The following CAMSAP1 variants were observed in gnomAD, a reference collection of about 807,000 sequenced individuals.
CAMSAP1 encodes the protein calmodulin regulated spectrin associated protein 1, also known as calmodulin-regulated spectrin-associated protein 1.
Under a neutral mutation model 143.5 loss-of-function variants are expected in CAMSAP1, and 58 were observed. That is an observed-to-expected ratio of 0.40 (90% CI 0.33 to 0.50). The LOEUF (loss-of-function observed/expected upper bound fraction) is 0.50. Among genes scored for constraint, CAMSAP1 ranks in the 20% least tolerant of loss-of-function variants. The pLI is 0.45. For missense variants in CAMSAP1, 1,969 were observed against 2,115.7 expected, an observed-to-expected ratio of 0.93 and a Z score of 1.36; for synonymous variants, 945 against 859.3, an observed-to-expected ratio of 1.10 and a Z score of -1.74.
intron 5 of CAMSAP1, among the ~76,000 whole-genome samples, chr9:135,851,134 G>C (rs1025897588): frequency 3.9e-5 from 6 of 152,230 alleles, no homozygotes; most frequent in Non-Finnish European, 8.8e-5. Flanking sequence ...CCCTGGTGTG[G>C]AGTGGGGGGT....
At chr9:135,836,239 G>T in intron 7 of CAMSAP1, 3 of 985,138 alleles carry the variant, frequency 3.0e-6, no homozygotes, top group Non-Finnish European at 3.6e-6. Flanking sequence ...CTGTTCTACA[G>T]AAACACGTCA....
intron 3 of CAMSAP1, among the ~76,000 whole-genome samples, chr9:135,878,814 GAA>G (rs907250132): frequency 6.6e-6 from 1 of 152,166 alleles, no homozygotes; most frequent in Non-Finnish European, 1.5e-5. Context: ...GCACCCGGGA[GAA>G]AGTCACATAA....
intron 16 of CAMSAP1, 127 bp downstream of exon 16, chr9:135,814,970 G>A (rs1175218581): frequency 2.7e-6 from 2 of 728,868 alleles, no homozygotes; most frequent in Non-Finnish European, 4.5e-6. Flanking sequence ...CCTCTTCCTT[G>A]AAATCTGCAT....
At chr9:135,874,618 C>A (rs911518590) in intron 3 of CAMSAP1, among the ~76,000 whole-genome samples, 2 of 151,846 alleles carry the variant, frequency 1.3e-5, no homozygotes, top group African/African-American at 4.8e-5. Flanking sequence ...AAAATGTCTT[C>A]TTTCACCAAT....
intron 7 of CAMSAP1, among the ~76,000 whole-genome samples, chr9:135,842,891 T>C (rs1021618402): frequency 2.6e-5 from 4 of 152,118 alleles, no homozygotes; most frequent in Non-Finnish European, 5.9e-5. Flanking sequence ...AGATGCCAAA[T>C]TGTAAAGACC....
chr9:135,819,414 C>G (rs977882212), intron 11 of CAMSAP1, among the ~76,000 whole-genome samples: 1 of 152,094 alleles, frequency 6.6e-6, no homozygotes, highest in African/African-American at 2.4e-5. Flanking sequence ...AAAATAAGAG[C>G]GAGGCTGGGC....
intron 1 of CAMSAP1, among the ~76,000 whole-genome samples, chr9:135,893,690 T>C (rs770279404): frequency 4.6e-5 from 7 of 152,174 alleles, no homozygotes; most frequent in South Asian, 2.1e-4. Flanking sequence ...CATGAAACCA[T>C]AGTCTCAAGA....
chr9:135,822,789 C>T lies in CAMSAP1; in HGVS notation c.1872G>A (p.Val624=). 1 of 1,613,954 alleles carries T rather than the reference C, an allele frequency of 6.2e-7. No individual in the cohort carries two copies. Among genetic ancestry groups the T allele is most frequent in the African/African-American group, 1.3e-5 (1 of 75,050 alleles). The change falls in exon 11 of 17, where the codon GTG becomes GTA. Residue 624 remains valine, a synonymous_variant. Coordinates refer to ENST00000389532, the MANE Select transcript of CAMSAP1 (RefSeq NM_015447.4). This position sits in a 1 kb window ranked among gnomAD's most constrained non-coding sequence, Gnocchi z 6.1. ...GGGGGCCCTCGCTGGGCCTCCTAGA[C>T]ACGATGCTCCTCGGTCTCCCTTCCC... ...ERGEGRPRSI[V]SRRPSEGPQP... is the part of the protein sequence containing the mutation.
intron 1 of CAMSAP1, among the ~76,000 whole-genome samples, chr9:135,900,990 G>A (rs985817034): frequency 6.6e-6 from 1 of 152,140 alleles, no homozygotes; most frequent in Non-Finnish European, 1.5e-5. Flanking sequence ...CCGACCTCAG[G>A]TGATCTGCCC....
rs772427288 is a variant in CAMSAP1 at position 135,822,352 on chromosome 9, G to A, written c.2309C>T (p.Ser770Leu). 4 of 1,613,940 alleles carry A rather than the reference G, an allele frequency of 2.5e-6. No homozygotes were observed. The highest frequency in any genetic ancestry group is 3.4e-6 in the Non-Finnish European group (4 of 1,179,894). ...CTTCATGTCCTCCTGCAGTTTGGCCGACTCTTCCTCCCCAATGTATCTGCT... is the reference window on the plus strand; with the variant it reads ...CTTCATGTCCTCCTGCAGTTTGGCCAACTCTTCCTCCCCAATGTATCTGCT... ...VFSRYIGEEE[S>L]AKLQEDMKVK... Residue 770 changes from serine (S) to leucine (L), a missense_variant, in exon 11 of 17, where the codon TCG becomes TTG. Ser to Leu is a moderately radical substitution (Grantham distance 145). Coordinates refer to ENST00000389532, the MANE Select transcript of CAMSAP1 (RefSeq NM_015447.4). The surrounding 1 kb of genome is among the most constrained non-coding windows in gnomAD (Gnocchi z 6.1).
rs1835590382 is a variant in CAMSAP1 at position 135,824,167 on chromosome 9, G to C, written c.1316-133C>G. On this transcript the variant is annotated intron_variant, in intron 9 of 16. Transcript: ENST00000389532. This position sits in a 1 kb window ranked among gnomAD's most constrained non-coding sequence, Gnocchi z 4.1. ...AGAAGGGCCGCATGGAAAGCAGAGAGGCAAAACCATACAGTTGTCCCACAT... is the reference window on the plus strand; with the variant it reads ...AGAAGGGCCGCATGGAAAGCAGAGACGCAAAACCATACAGTTGTCCCACAT... 2 of 725,972 alleles carry C rather than the reference G, an allele frequency of 2.8e-6. No individual in the cohort carries two copies. The highest frequency in any genetic ancestry group is 1.6e-5 in the South Asian group (1 of 61,794). The allele number at this position is 725,972 out of a possible 1,614,324, so 45.0% of individuals were successfully genotyped here.
chr9:135,818,548 T>C lies in CAMSAP1; in HGVS notation c.4028A>G (p.Glu1343Gly). 1.9e-6 allele frequency: 3 copies of C among 1,613,182 alleles called. No individual in the cohort carries two copies. The highest frequency in any genetic ancestry group is 2.5e-6 in the Non-Finnish European group (3 of 1,179,824). The change falls in exon 13 of 17, where the codon GAG becomes GGG. Residue 1343 changes from glutamate (E) to glycine (G), a missense_variant. Transcript: ENST00000389532. This position sits in a 1 kb window ranked among gnomAD's most constrained non-coding sequence, Gnocchi z 7.7. Reference sequence around the variant, plus strand: ...CTGCTGCTGCTTCCTCCGCAGGTACTCCTGCTTGATGAGCTCGCGCCGCGC... The same window carrying C: ...CTGCTGCTGCTTCCTCCGCAGGTACCCCTGCTTGATGAGCTCGCGCCGCGC... ...EKARRELIKQ[E>G]YLRRKQQQIL...
intron 3 of CAMSAP1, among the ~76,000 whole-genome samples, chr9:135,874,081 C>G (rs1837653245): frequency 6.6e-6 from 1 of 152,134 alleles, no homozygotes; most frequent in South Asian, 2.1e-4. Context: ...AAATCAATTA[C>G]TGTAATTCAT....
intron 5 of CAMSAP1, among the ~76,000 whole-genome samples, chr9:135,855,841 A>G (rs987599441): frequency 1.3e-5 from 2 of 151,576 alleles, no homozygotes; most frequent in Non-Finnish European, 2.9e-5. Flanking sequence ...TCACAAGGTC[A>G]GGAGATCAAG....
At chr9:135,829,515 T>C (rs1363891763) in intron 7 of CAMSAP1, among the ~76,000 whole-genome samples, 2 of 151,454 alleles carry the variant, frequency 1.3e-5, no homozygotes, top group Non-Finnish European at 2.9e-5. Flanking sequence ...GAGCAAGACC[T>C]TGTCTCAAAG....
At chr9:135,892,898 G>C (rs953186719) in intron 1 of CAMSAP1, among the ~76,000 whole-genome samples, 5 of 136,394 alleles carry the variant, frequency 3.7e-5, no homozygotes, top group African/African-American at 1.4e-4. Context: ...GCTGGGCACA[G>C]TGGCTCACAT....
At chr9:135,848,450 C>T (rs1045734130) in intron 7 of CAMSAP1, among the ~76,000 whole-genome samples, 2 of 152,092 alleles carry the variant, frequency 1.3e-5, no homozygotes, top group Non-Finnish European at 1.5e-5. Context: ...GAGAAAGTCA[C>T]GGGTCTGCCA....
chr9:135,860,996 A>G (rs1837166268), intron 5 of CAMSAP1, among the ~76,000 whole-genome samples: 1 of 152,168 alleles, frequency 6.6e-6, no homozygotes, highest in Non-Finnish European at 1.5e-5. Flanking sequence ...TGGGTGATAC[A>G]CATCTCAACC....
chr9:135,889,964 G>A (rs896468993), intron 1 of CAMSAP1, among the ~76,000 whole-genome samples: 2 of 151,934 alleles, frequency 1.3e-5, no homozygotes, highest in East Asian at 1.9e-4. Context: ...CACTGCAACC[G>A]AAACACAAAC....
Sources: gnomAD v4.1 joint callset for allele counts (sites outside exome capture counted in the v4.1 genomes callset) on GRCh38, gnomAD v4.1.1 for gene constraint, Gnocchi (gnomAD v3.1) non-coding constraint, MANE v1.5 for transcripts, NCBI Gene and HGNC (gene_info 2026-07-23, HGNC 2026-07-21) for gene names.